The following RAB35 variants were observed in gnomAD, a reference collection of about 807,000 sequenced individuals.
The protein encoded by RAB35 is RAB35, member RAS oncogene family.
In RAB35, 4 loss-of-function variants were observed where a neutral mutation model predicts 28.9. The ratio of observed to expected loss-of-function variants is 0.14; its 90% CI spans 0.07 to 0.32. The LOEUF is 0.32. RAB35 is among the 10% of genes least tolerant of loss of function. The pLI is 1.00. For missense variants in RAB35, 128 were observed against 274.0 expected (o/e 0.47, Z 3.76); for synonymous variants, 99 against 105.1 (o/e 0.94, Z 0.35).
rs1875739991 is a variant in RAB35 at position 120,103,450 on chromosome 12, A to G, written c.227+376T>C. Among the ~76,000 whole-genome samples the G allele has an allele frequency of 6.6e-6, 1 of 152,218 alleles. No individual in the cohort carries two copies. Among genetic ancestry groups the G allele is most frequent in the African/African-American group, 2.4e-5 (1 of 41,452 alleles). On this transcript the variant is annotated intron_variant, in intron 3 of 5. Coordinates refer to ENST00000229340, the MANE Select transcript of RAB35 (RefSeq NM_006861.7). The surrounding 1 kb of genome is among the most constrained non-coding windows in gnomAD (Gnocchi z 6.1). ...CCATAACTGACACCTACCAAGAGGA[A>G]TTGTCAGCGACTAAGTCCTGGGTGG...
At chr12:120,106,920 G>A (rs1223316959) in intron 2 of RAB35, among the ~76,000 whole-genome samples, 1 of 151,432 alleles carries the variant, frequency 6.6e-6, no homozygotes, top group African/African-American at 2.4e-5. Context: ...GCCCAGCCAT[G>A]TCAGAGGGAA....
At chr12:120,112,318 C>A (rs1182787492) in intron 1 of RAB35, among the ~76,000 whole-genome samples, 2 of 152,040 alleles carry the variant, frequency 1.3e-5, no homozygotes, top group African/African-American at 2.4e-5. Flanking sequence ...ACCACGCAAG[C>A]CACACACATG....
chr12:120,108,537 C>T lies in RAB35; in HGVS notation c.53-70G>A, dbSNP rs528115789. ...CTCCCCGCAGCCCCAGCCCTTCTTCCGGGAGAGGATGCCTCAGTCCCAACT... is the reference window on the plus strand; with the variant it reads ...CTCCCCGCAGCCCCAGCCCTTCTTCTGGGAGAGGATGCCTCAGTCCCAACT... On this transcript the variant is annotated intron_variant, in intron 1 of 5. Coordinates refer to ENST00000229340, the MANE Select transcript of RAB35 (RefSeq NM_006861.7). 85 of 1,452,258 alleles carry T rather than the reference C, an allele frequency of 5.9e-5. No individual in the cohort carries two copies. In the African/African-American group the frequency reaches 7.1e-4, roughly 12 times the overall value. 90.0% of individuals were successfully genotyped at this position (1,452,258 alleles called of 1,614,324 possible).
At position 120,097,335 on chromosome 12, in the gene RAB35, C is replaced by T; in HGVS notation, c.516G>A (p.Lys172=). 6.2e-7 allele frequency: 1 copy of T among 1,613,490 alleles called. No individual in the cohort carries two copies. The highest frequency in any genetic ancestry group is 8.5e-7 in the Non-Finnish European group (1 of 1,179,990). ...GCTGCTGTTTTGCCAGGTTGTCTTT[C>T]TTTGCTCGGAGGACCAGCTCCGTGA... is the stretch of plus-strand genomic sequence containing the variant. ...NCITELVLRA[K]KDNLAKQQQQ... is the part of the protein sequence containing the mutation. The change falls in exon 6 of 6, where the codon AAG becomes AAA. Residue 172 remains lysine, a synonymous_variant. Coordinates refer to ENST00000229340, the MANE Select transcript of RAB35 (RefSeq NM_006861.7).
In RAB35 at chr12:120,098,305, C is replaced by T. The variant is rs546364849; in HGVS notation, c.477+506G>A. Among the ~76,000 whole-genome samples the T allele has an allele frequency of 1.6e-4, 25 of 152,376 alleles. No individual in the cohort carries two copies. In the South Asian group the frequency reaches 2.3e-3, roughly 14 times the overall value. On this transcript the variant is annotated intron_variant, in intron 5 of 5. Transcript: ENST00000229340. ...GTGGGGCCCAGAGAGGTGAAGTCAC[C>T]GCCCAAGGTCATACCAGCCTTGCCC...
chr12:120,097,474 A>G, intron 5 of RAB35, 101 bp from the exon 6 acceptor site: 1 of 909,766 alleles, frequency 1.1e-6, no homozygotes, highest in Non-Finnish European at 1.7e-6. Flanking sequence ...AGCTCTTTCT[A>G]CCTGTGCATT....
intron 1 of RAB35, among the ~76,000 whole-genome samples, chr12:120,115,269 T>A (rs543634001): frequency 6.6e-6 from 1 of 152,238 alleles, no homozygotes; most frequent in African/African-American, 2.4e-5. Context: ...AACCACCCAC[T>A]TCCCTGACCT....
At chr12:120,105,368 T>C (rs555626403) in intron 2 of RAB35, among the ~76,000 whole-genome samples, 51 of 152,250 alleles carry the variant, frequency 3.3e-4, no homozygotes, top group African/African-American at 1.2e-3. Context: ...CAGAAACAGC[T>C]GGTGGCTAAC....
chr12:120,099,350 C>A (rs201485359), intron 3 of RAB35, 196 bp from the exon 4 acceptor site: 2 of 690,080 alleles, frequency 2.9e-6, no homozygotes, highest in Non-Finnish European at 2.4e-6. Flanking sequence ...AGCACTGACT[C>A]CCCCTGCCCG....
At chr12:120,100,473 G>A (rs12313412) in intron 3 of RAB35, among the ~76,000 whole-genome samples, 13,742 of 152,242 alleles carry the variant, frequency 0.09, 800 homozygotes, top group African/African-American at 0.16. Flanking sequence ...GTCAGTATGC[G>A]TTCTTCAGCA....
At chr12:120,110,678 C>T (rs1243367532) in intron 1 of RAB35, among the ~76,000 whole-genome samples, 1 of 152,208 alleles carries the variant, frequency 6.6e-6, no homozygotes, top group Non-Finnish European at 1.5e-5. Context: ...CCTCTCTGGG[C>T]AATCCTCTAA....
At chr12:120,108,629 A>C (rs1252713181) in intron 1 of RAB35, 162 bp from the exon 2 acceptor site, 1 of 717,800 alleles carries the variant, frequency 1.4e-6, no homozygotes. Flanking sequence ...GCGGCCACAC[A>C]CCAAGAACAT....
rs1875391957 is a variant in RAB35 at position 120,096,385 on chromosome 12, C to A, written c.*860G>T. The A allele has an allele frequency of 8.0e-7, 1 of 1,242,896 alleles. No homozygotes were observed. The highest frequency in any genetic ancestry group is 2.6e-5 in the Admixed American group (1 of 38,446). 77.0% of individuals were successfully genotyped at this position (1,242,896 alleles called of 1,614,324 possible). On this transcript the variant is annotated 3_prime_UTR_variant, in exon 6 of 6. Coordinates refer to ENST00000229340, the MANE Select transcript of RAB35 (RefSeq NM_006861.7). ...GAAAATAATTGTGAGGAATTTAATT[C>A]ACTTGATTTGGCTTCATTTTCTTGA...
chr12:120,116,041 C>T (rs1248919326), intron 1 of RAB35, among the ~76,000 whole-genome samples: 1 of 152,220 alleles, frequency 6.6e-6, no homozygotes, highest in African/African-American at 2.4e-5. Context: ...ACGGCAATCC[C>T]ATGAGGCAGG....
intron 3 of RAB35, among the ~76,000 whole-genome samples, chr12:120,102,290 A>G (rs889762901): frequency 1.1e-4 from 16 of 152,348 alleles, no homozygotes; most frequent in Middle Eastern, 3.4e-3. Context: ...GCAAGGATTC[A>G]TGAGGTCAGC....
intron 3 of RAB35, among the ~76,000 whole-genome samples, chr12:120,102,959 G>A (rs561048289): frequency 1.4e-4 from 21 of 152,274 alleles, no homozygotes; most frequent in African/African-American, 5.1e-4. Flanking sequence ...CTGTCAAATG[G>A]GATGACAGCA....
intron 3 of RAB35, among the ~76,000 whole-genome samples, chr12:120,101,740 G>T (rs938443721): frequency 6.6e-6 from 1 of 152,218 alleles, no homozygotes; most frequent in African/African-American, 2.4e-5. Flanking sequence ...CAGACACGTG[G>T]GACGGCAGCA....
intron 1 of RAB35, among the ~76,000 whole-genome samples, chr12:120,113,865 C>T (rs905647773): frequency 1.2e-4 from 18 of 151,576 alleles, no homozygotes; most frequent in South Asian, 2.1e-4. Context: ...TCCGGCATAA[C>T]GAAGGGATGC....
At chr12:120,116,467 G>A in intron 1 of RAB35, 132 bp downstream of exon 1, 3 of 588,570 alleles carry the variant, frequency 5.1e-6, no homozygotes, top group Non-Finnish European at 6.4e-6. Flanking sequence ...CACCCCTGGG[G>A]CCCAGACCGC....
Sources: allele counts gnomAD v4.1 joint callset (sites outside exome capture counted in the v4.1 genomes callset), GRCh38; gene constraint gnomAD v4.1.1; non-coding constraint Gnocchi (gnomAD v3.1); transcripts MANE v1.5; gene names NCBI Gene and HGNC (gene_info 2026-07-23, HGNC 2026-07-21).